Variants in NCKAP1 observed in about 807,000 individuals in gnomAD.
The protein encoded by NCKAP1 is nck-associated protein 1.
A neutral mutation model predicts 151.2 loss-of-function variants in NCKAP1; 21 were observed. The observed-to-expected ratio is 0.14, with a 90% CI of 0.10 to 0.20. The LOEUF (loss-of-function observed/expected upper bound fraction) is 0.20, where lower values mean the gene tolerates loss of function less well. Ranked by LOEUF, NCKAP1 falls within the 10% of genes least tolerant of loss-of-function variation. The pLI, the probability that NCKAP1 is intolerant of heterozygous loss-of-function variation, is 1.00. For synonymous variants in NCKAP1, 484 were observed against 451.8 expected, an observed-to-expected ratio of 1.07 and a Z score of -0.90; for missense variants, 933 against 1,352.1, an observed-to-expected ratio of 0.69 and a Z score of 4.86.
At chr2:183,034,148 C>T (rs1230934125) in intron 1 of NCKAP1, among the ~76,000 whole-genome samples, 1 of 152,132 alleles carries the variant, frequency 6.6e-6, no homozygotes, top group Non-Finnish European at 1.5e-5. Flanking sequence ...CCCTGCACTG[C>T]TCCCTTCACA....
chr2:182,968,215 T>C (rs1048862177), intron 15 of NCKAP1, among the ~76,000 whole-genome samples: 1 of 152,010 alleles, frequency 6.6e-6, no homozygotes, highest in Non-Finnish European at 1.5e-5. Flanking sequence ...GTGAGGAAAA[T>C]AGGGAAGCAT....
intron 17 of NCKAP1, among the ~76,000 whole-genome samples, chr2:182,964,259 T>C (rs1312847017): frequency 6.6e-6 from 1 of 152,072 alleles, no homozygotes; most frequent in East Asian, 1.9e-4. Flanking sequence ...TTAATATATT[T>C]ATTAACAATT....
intron 17 of NCKAP1, among the ~76,000 whole-genome samples, chr2:182,962,901 ATTGT>A: frequency 6.6e-6 from 1 of 151,542 alleles, no homozygotes; most frequent in East Asian, 1.9e-4. Context: ...CAATCGTTTG[ATTGT>A]TTTTTTCTTA....
intron 15 of NCKAP1, among the ~76,000 whole-genome samples, chr2:182,974,775 T>C (rs1189881767): frequency 6.6e-6 from 1 of 152,120 alleles, no homozygotes; most frequent in Non-Finnish European, 1.5e-5. Flanking sequence ...GTTGGTACTT[T>C]GTTATGGCAG....
intron 29 of NCKAP1, chr2:182,927,402 T>C (rs1313342131): frequency 1.3e-5 from 2 of 152,180 alleles, no homozygotes; most frequent in Non-Finnish European, 2.9e-5. Context: ...CTCAAGTTAG[T>C]ACTATATTTG....
intron 16 of NCKAP1, 141 bp from the exon 17 acceptor site, chr2:182,964,949 T>C (rs917364297): frequency 1.9e-6 from 1 of 526,736 alleles, no homozygotes; most frequent in Non-Finnish European, 3.2e-6. Context: ...TCCCCCAAAG[T>C]ATCTTTTACA....
At position 183,038,170 on chromosome 2, in the gene NCKAP1, C is replaced by T; in HGVS notation, c.-71G>A. On this transcript the variant is annotated 5_prime_UTR_variant, in exon 1 of 31. Transcript: ENST00000361354. ...CACGGGCCCGCGGCCTTCGCAGCAGCCTCTCTCGGGCCTCCTCCCCTCCCG... is the reference window on the plus strand; with the variant it reads ...CACGGGCCCGCGGCCTTCGCAGCAGTCTCTCTCGGGCCTCCTCCCCTCCCG... 8.7e-7 allele frequency: 1 copy of T among 1,154,168 alleles called. No individual in the cohort carries two copies. Among genetic ancestry groups the T allele is most frequent in the Non-Finnish European group, 1.2e-6 (1 of 850,774 alleles). The allele number at this position is 1,154,168 out of a possible 1,614,324, so 71.5% of individuals were successfully genotyped here.
At chr2:183,001,070 G>T (rs1326246184) in intron 6 of NCKAP1, among the ~76,000 whole-genome samples, 1 of 152,224 alleles carries the variant, frequency 6.6e-6, no homozygotes, top group African/African-American at 2.4e-5. Context: ...TCCGGCTGGG[G>T]CGACAGAGCG....
chr2:182,941,441 C>A (rs553768852), intron 24 of NCKAP1, among the ~76,000 whole-genome samples: 2 of 152,278 alleles, frequency 1.3e-5, no homozygotes, highest in Non-Finnish European at 2.9e-5. Context: ...CACTTAACAA[C>A]ATGGATGAAT....
chr2:183,036,085 G>A (rs1224899865), intron 1 of NCKAP1, among the ~76,000 whole-genome samples: 1 of 152,016 alleles, frequency 6.6e-6, no homozygotes, highest in Non-Finnish European at 1.5e-5. Flanking sequence ...ACTTTCACAA[G>A]TTCAATAATA....
At chr2:182,942,715 T>C (rs1411150988) in intron 23 of NCKAP1, among the ~76,000 whole-genome samples, 1 of 151,510 alleles carries the variant, frequency 6.6e-6, no homozygotes, top group Admixed American at 6.6e-5. Flanking sequence ...CACAGACCAC[T>C]GAGAAAAGGG....
intron 18 of NCKAP1, among the ~76,000 whole-genome samples, chr2:182,958,548 A>G (rs1575030206): frequency 6.6e-6 from 1 of 152,328 alleles, no homozygotes; most frequent in East Asian, 1.9e-4. Flanking sequence ...CAAGGCATGA[A>G]AAAGGGATAT....
intron 2 of NCKAP1, among the ~76,000 whole-genome samples, chr2:183,004,601 C>A (rs1698433977): frequency 6.6e-6 from 1 of 151,146 alleles, no homozygotes; most frequent in Non-Finnish European, 1.5e-5. Context: ...GTAATTCTAT[C>A]TAGAAAATAT....
rs1696502855 is a variant in NCKAP1 at position 182,918,610 on chromosome 2, AC to A, written c.*7091del. 6.6e-6 allele frequency: 1 copy of A among 152,188 alleles called. No individual in the cohort carries two copies. Among genetic ancestry groups the A allele is most frequent in the African/African-American group, 2.4e-5 (1 of 41,458 alleles). The allele number at this position is 152,188 out of a possible 1,614,324, so 9.4% of individuals were successfully genotyped here. On this transcript the variant is annotated 3_prime_UTR_variant, in exon 31 of 31. Coordinates refer to ENST00000361354, the MANE Select transcript of NCKAP1 (RefSeq NM_013436.5). ...AGAAAACCAAATACCGTATGTTCTC[AC>A]TTGTAAGTGGGAGCTAAGCTATGTG...
At chr2:182,984,753 T>A (rs185199521) in intron 10 of NCKAP1, among the ~76,000 whole-genome samples, 11 of 152,294 alleles carry the variant, frequency 7.2e-5, no homozygotes, top group Non-Finnish European at 1.5e-4. Flanking sequence ...AATGAACAAA[T>A]GTTATTTTGA....
Position 182,928,164 on chromosome 2 carries a change from T to C in NCKAP1, c.3133A>G (p.Thr1045Ala). The stretch of plus-strand genomic sequence containing the variant: ...TCTTCAATGCTTCCTTTGTGAATTG[T>C]AAACAAAGCTGCAGCAATCTGGTTG... ...AINQIAAALF[T>A]IHKGSIEDRL... Residue 1045 changes from threonine (T) to alanine (A), a missense_variant, in exon 29 of 31, where the codon ACA (threonine) becomes GCA (alanine). By Grantham distance (58) the Thr-to-Ala change is moderately conservative. Around this residue, in one of 2 missense-constraint regions of NCKAP1, gnomAD observed 326 missense variants for 557.1 expected, o/e 0.59. Transcript: ENST00000361354. 6.2e-7 allele frequency: 1 copy of C among 1,612,984 alleles called. No individual in the cohort carries two copies. Among genetic ancestry groups the C allele is most frequent in the Non-Finnish European group, 8.5e-7 (1 of 1,179,244 alleles).
rs1575058524 is a variant in NCKAP1 at position 183,002,029 on chromosome 2, G to A, written c.527C>T (p.Pro176Leu). Residue 176 changes from proline to leucine, a missense_variant, in exon 6 of 31, where the codon CCA (proline) becomes CTA (leucine). Transcript: ENST00000361354. ...ATCCACAATCATCTGGCCAAGGCGT[G>A]GGTATTCTCTGTCACTTAAAACAGA... ...MTHGASDREY[P>L]RLGQMIVDYE... The A allele has an allele frequency of 1.2e-6, 2 of 1,613,622 alleles. No individual in the cohort carries two copies. The highest frequency in any genetic ancestry group is 2.7e-5 in the African/African-American group (2 of 74,996).
rs1036518195 is a variant in NCKAP1, at chr2:182,915,737, T to G, written c.*9965A>C. The G allele has an allele frequency of 1.3e-5, 2 of 152,144 alleles. No homozygotes were observed. The highest frequency in any genetic ancestry group is 4.8e-5 in the African/African-American group (2 of 41,434). 9.4% of individuals were successfully genotyped at this position (152,144 alleles called of 1,614,324 possible). On this transcript the variant is annotated 3_prime_UTR_variant, in exon 31 of 31. Coordinates refer to ENST00000361354, the MANE Select transcript of NCKAP1 (RefSeq NM_013436.5). ...AGTTAAGTGTCTCACAGCTCCTGTC[T>G]TTTCTATGAAGTACTGACTCTAGCT...
chr2:182,972,290 C>A (rs1228941129), intron 15 of NCKAP1, among the ~76,000 whole-genome samples: 1 of 146,046 alleles, frequency 6.8e-6, no homozygotes, highest in Non-Finnish European at 1.5e-5. Context: ...ACAGACATTT[C>A]TCAAAAGAAG....
Sources: allele counts gnomAD v4.1 joint callset (sites outside exome capture counted in the v4.1 genomes callset), GRCh38; gene constraint gnomAD v4.1.1; regional missense constraint gnomAD v4.1.1; transcripts MANE v1.5; gene names NCBI Gene and HGNC (gene_info 2026-07-23, HGNC 2026-07-21).